Variants in CTDP1 observed in about 807,000 individuals in gnomAD.
CTDP1 encodes the protein RNA polymerase II subunit A C-terminal domain phosphatase.
Under a neutral mutation model 91.8 loss-of-function variants are expected in CTDP1, and 47 were observed. The ratio of observed to expected loss-of-function variants is 0.51; its 90% CI spans 0.41 to 0.65. The LOEUF (loss-of-function observed/expected upper bound fraction) is 0.65, where lower values mean the gene tolerates loss of function less well. CTDP1 is among the 30% of genes least tolerant of loss of function. The pLI is 0.00. For synonymous variants in CTDP1, 656 were observed against 598.5 expected (o/e 1.10, Z -1.40); for missense variants, 1,272 against 1,373.7 (o/e 0.93, Z 1.17).
intron 10 of CTDP1, among the ~76,000 whole-genome samples, chr18:79,724,432 T>C (rs1376203005): frequency 6.6e-6 from 1 of 152,228 alleles, no homozygotes; most frequent in African/African-American, 2.4e-5. Flanking sequence ...CATTTCATGT[T>C]TTCAGCAGCG....
intron 5 of CTDP1, 98 bp downstream of exon 5, chr18:79,705,015 C>T (rs1000524636): frequency 2.6e-6 from 4 of 1,558,384 alleles, no homozygotes; most frequent in Non-Finnish European, 3.5e-6. Context: ...AAGAAGCTCT[C>T]CTGCAACTCA....
chr18:79,701,896 A>C (rs1441182051), intron 4 of CTDP1, among the ~76,000 whole-genome samples: 24 of 152,206 alleles, frequency 1.6e-4, no homozygotes, highest in Admixed American at 1.6e-3. Context: ...AAGATGACTG[A>C]ACTGCGGCAA....
At chr18:79,738,125 C>G (rs1453344882) in intron 12 of CTDP1, among the ~76,000 whole-genome samples, 1 of 151,360 alleles carries the variant, frequency 6.6e-6, no homozygotes, top group Non-Finnish European at 1.5e-5. Context: ...CCAGAAGCTT[C>G]CTGAGAAAGC....
At chr18:79,705,004 AAAG>A (rs147234590) in intron 5 of CTDP1, 87 bp downstream of exon 5, 77,972 of 1,584,330 alleles carry the variant, frequency 0.049, 2,608 homozygotes, top group South Asian at 0.15. Context: ...TGAAGAAAGA[AAAG>A]AAGCTCTCCT....
intron 3 of CTDP1, among the ~76,000 whole-genome samples, 196 bp from the exon 4 acceptor site, chr18:79,697,664 T>C (rs2085773766): frequency 6.6e-6 from 1 of 152,182 alleles, no homozygotes; most frequent in Non-Finnish European, 1.5e-5. Context: ...AATTATAAAA[T>C]TGTGGTCACA....
At chr18:79,730,979 CAT>C (rs2086554349) in intron 11 of CTDP1, among the ~76,000 whole-genome samples, 1 of 152,224 alleles carries the variant, frequency 6.6e-6, no homozygotes, top group Admixed American at 6.5e-5. Context: ...CCTCGTCTCA[CAT>C]GTGTCCCTCT....
chr18:79,739,464 C>T (rs1344276299), intron 12 of CTDP1, among the ~76,000 whole-genome samples: 1 of 152,000 alleles, frequency 6.6e-6, no homozygotes, highest in East Asian at 1.9e-4. Flanking sequence ...CGGGTGAAAC[C>T]ACGCAAGCAC....
Position 79,680,193 on chromosome 18 carries a change from G to A in CTDP1, c.246G>A (p.Arg82=). ...TGCGCCCCGCGCGGCCGGAACGCAG[G>A]CTGAGGTCGGAGCGCGCGGGCGTGG... ...GCVRPARPER[R]LRSERAGVVR... Residue 82 remains arginine (R), a synonymous_variant, in exon 1 of 13, where the codon AGG becomes AGA. Coordinates refer to ENST00000613122, the MANE Select transcript of CTDP1 (RefSeq NM_004715.5). 4 of 1,380,218 alleles carry A rather than the reference G, an allele frequency of 2.9e-6. No individual in the cohort carries two copies. Among genetic ancestry groups the A allele is most frequent in the Admixed American group, 3.4e-5 (1 of 29,076 alleles). The allele number at this position is 1,380,218 out of a possible 1,614,324, so 85.5% of individuals were successfully genotyped here.
chr18:79,690,209 G>C (rs369211247), intron 1 of CTDP1, among the ~76,000 whole-genome samples: 1 of 152,346 alleles, frequency 6.6e-6, no homozygotes, highest in Non-Finnish European at 1.5e-5. Flanking sequence ...AGGTGATGGC[G>C]TCCATGGTCC....
chr18:79,679,188 G>C (rs560287185), upstream of CTDP1: 2 of 325,992 alleles, frequency 6.1e-6, no homozygotes, highest in Admixed American at 4.2e-5. Context: ...CCGCCTGCGC[G>C]GGCCGAGGGC....
chr18:79,727,332 G>A (rs1388290846), intron 10 of CTDP1, among the ~76,000 whole-genome samples: 2 of 152,268 alleles, frequency 1.3e-5, no homozygotes, highest in East Asian at 1.9e-4. Flanking sequence ...GGGAAGCACA[G>A]CGTTCGCGGT....
At chr18:79,692,599 C>A (rs1425461607) in intron 1 of CTDP1, among the ~76,000 whole-genome samples, 1 of 152,160 alleles carries the variant, frequency 6.6e-6, no homozygotes, top group Admixed American at 6.5e-5. Context: ...TTGAGGATTC[C>A]TTTCCCTCTC....
intron 2 of CTDP1, 70 bp downstream of exon 2, chr18:79,695,378 A>C: frequency 7.0e-7 from 1 of 1,419,832 alleles, no homozygotes; most frequent in East Asian, 2.3e-5. Flanking sequence ...GAGTCCGAGA[A>C]GCTGTGCTGG....
chr18:79,697,616 C>G (rs574918982), intron 3 of CTDP1, among the ~76,000 whole-genome samples: 19 of 152,186 alleles, frequency 1.2e-4, no homozygotes, highest in Non-Finnish European at 2.5e-4. Flanking sequence ...ACCAGTTTCC[C>G]TTCCCCCTCC....
chr18:79,690,251 C>T (rs2085591966), intron 1 of CTDP1, among the ~76,000 whole-genome samples: 2 of 152,194 alleles, frequency 1.3e-5, no homozygotes, highest in Admixed American at 6.5e-5. Flanking sequence ...CTGATGTACC[C>T]ATGCCCTCGG....
At chr18:79,741,261 G>A (rs140727156) in intron 12 of CTDP1, among the ~76,000 whole-genome samples, 303 of 152,146 alleles carry the variant, frequency 2.0e-3, no homozygotes, top group Non-Finnish European at 3.4e-3. Flanking sequence ...GGTTGGGTGA[G>A]GTCCCCCGTG....
rs1262072904 is a variant in CTDP1, at chr18:79,753,852, G to C, written c.*62G>C. 1.9e-6 allele frequency: 3 copies of C among 1,580,470 alleles called. No homozygotes were observed. In the Admixed American group the frequency reaches 5.5e-5, roughly 29 times the overall value. ...CTCCAGCAGCACTCGGACGTCCCCG[G>C]ACCAGCCCTCAGTCTCGGTCCACGC... is the stretch of plus-strand genomic sequence containing the variant. On this transcript the variant is annotated 3_prime_UTR_variant, in exon 13 of 13. Transcript: ENST00000613122.
chr18:79,681,158 T>C (rs2085357796), intron 1 of CTDP1, among the ~76,000 whole-genome samples: 1 of 152,222 alleles, frequency 6.6e-6, no homozygotes, highest in African/African-American at 2.4e-5. Context: ...TTGTTGAGGA[T>C]CTTCTCTGCA....
intron 12 of CTDP1, among the ~76,000 whole-genome samples, chr18:79,741,533 A>G (rs992338883): frequency 2.6e-5 from 4 of 152,200 alleles, no homozygotes; most frequent in African/African-American, 9.6e-5. Flanking sequence ...TGGCTCCCTA[A>G]GTACTTGGAG....
Sources: gnomAD v4.1 joint callset for allele counts (sites outside exome capture counted in the v4.1 genomes callset) on GRCh38, gnomAD v4.1.1 for gene constraint, MANE v1.5 for transcripts, NCBI Gene and HGNC (gene_info 2026-07-23, HGNC 2026-07-21) for gene names.